The following ERP44 variants were observed in gnomAD, a reference collection of about 807,000 sequenced individuals.
ERP44 encodes endoplasmic reticulum resident protein 44.
A neutral mutation model predicts 53.4 loss-of-function variants in ERP44; 25 were observed. The ratio of observed to expected loss-of-function variants is 0.47; its 90% CI spans 0.34 to 0.65. The LOEUF (loss-of-function observed/expected upper bound fraction) is 0.65, where lower values mean the gene tolerates loss of function less well. ERP44 is among the 30% of genes least tolerant of loss of function. ERP44 has a pLI of 0.01. For synonymous variants in ERP44, 145 were observed against 161.2 expected (o/e 0.90, Z 0.76); for missense variants, 338 against 493.2 (o/e 0.69, Z 2.98).
chr9:99,996,993 GTATA>G (rs60268138), intron 10 of ERP44, among the ~76,000 whole-genome samples: 2 of 143,650 alleles, frequency 1.4e-5, no homozygotes, highest in Non-Finnish European at 1.5e-5. Flanking sequence ...ATATGTGTGT[GTATA>G]TATATATATA....
At chr9:100,049,342 G>C (rs1294510707) in intron 4 of ERP44, among the ~76,000 whole-genome samples, 1 of 152,198 alleles carries the variant, frequency 6.6e-6, no homozygotes, top group Non-Finnish European at 1.5e-5. Context: ...AGACTGCAGT[G>C]AGCCAAGATT....
chr9:100,083,290 A>G (rs1826447461), intron 1 of ERP44, among the ~76,000 whole-genome samples: 1 of 152,096 alleles, frequency 6.6e-6, no homozygotes, highest in Admixed American at 6.5e-5. Flanking sequence ...ATAAATTACA[A>G]TGCATCAATA....
At chr9:100,001,563 T>C (rs1243746640) in intron 10 of ERP44, among the ~76,000 whole-genome samples, 2 of 152,218 alleles carry the variant, frequency 1.3e-5, no homozygotes, top group African/African-American at 4.8e-5. Flanking sequence ...TCTTGCTGAA[T>C]TGATCTCTTT....
At chr9:100,007,824 G>T in intron 8 of ERP44, 135 bp from the exon 9 acceptor site, 1 of 647,730 alleles carries the variant, frequency 1.5e-6, no homozygotes. Flanking sequence ...AAAAGGCCCA[G>T]TGGTGTGAAT....
Position 99,995,401 on chromosome 9 carries a change from C to T in ERP44, c.1017-10332G>A, listed in dbSNP as rs373934159. 7.9e-5 allele frequency among the ~76,000 whole-genome samples: 12 copies of T among 152,286 alleles called. No homozygotes were observed. The East Asian group carries it at 1.9e-3, about 24-fold the overall frequency. ...GAAGTGGTGAGATTGAACATCTTTGCCTAGTTCTCTATCATACAGGAAAAG... is the reference window on the plus strand; with the variant it reads ...GAAGTGGTGAGATTGAACATCTTTGTCTAGTTCTCTATCATACAGGAAAAG... On this transcript the variant is annotated intron_variant, in intron 10 of 11. Coordinates refer to ENST00000262455, the MANE Select transcript of ERP44 (RefSeq NM_015051.3).
intron 1 of ERP44, among the ~76,000 whole-genome samples, chr9:100,064,808 T>C (rs1826191824): frequency 6.6e-6 from 1 of 152,084 alleles, no homozygotes; most frequent in Non-Finnish European, 1.5e-5. Context: ...TGTCTTGGTT[T>C]TCAACAAAAA....
At chr9:100,073,604 T>G (rs1826326838) in intron 1 of ERP44, among the ~76,000 whole-genome samples, 1 of 152,216 alleles carries the variant, frequency 6.6e-6, no homozygotes, top group Non-Finnish European at 1.5e-5. Flanking sequence ...GGAATTTGTC[T>G]TCCATTGAAG....
chr9:100,052,826 C>T (rs915964253), intron 3 of ERP44, among the ~76,000 whole-genome samples: 3 of 152,152 alleles, frequency 2.0e-5, no homozygotes, highest in Non-Finnish European at 4.4e-5. Context: ...GGTCATAAAA[C>T]AAGTCTGAAA....
intron 8 of ERP44, among the ~76,000 whole-genome samples, chr9:100,011,780 A>C (rs1830479280): frequency 6.6e-6 from 1 of 152,216 alleles, no homozygotes; most frequent in Non-Finnish European, 1.5e-5. Flanking sequence ...AAAGCAACAG[A>C]ACATTACTGA....
At chr9:99,988,774 T>C (rs1830222105) in intron 10 of ERP44, among the ~76,000 whole-genome samples, 1 of 152,212 alleles carries the variant, frequency 6.6e-6, no homozygotes, top group African/African-American at 2.4e-5. Flanking sequence ...TTACCTTTCC[T>C]AGCCAAGGGA....
intron 10 of ERP44, among the ~76,000 whole-genome samples, chr9:99,990,317 C>T (rs1004524871): frequency 3.3e-5 from 5 of 152,206 alleles, no homozygotes; most frequent in African/African-American, 7.2e-5. Flanking sequence ...GCGGATATCT[C>T]GGCAGAAACT....
At position 100,043,291 on chromosome 9, in the gene ERP44, A is replaced by AAAAAAAAAAAAAAAAG. The variant is rs1168903331; in HGVS notation, c.286+9125_286+9126insCTTTTTTTTTTTTTTT. ...AAAAAAAAAAAAAAAAAAAAAAAAA[A>AAAAAAAAAAAAAAAAG]GATAAATAAGACATAGTATTTGCTA... On this transcript the variant is annotated intron_variant, in intron 4 of 11. Coordinates refer to ENST00000262455, the MANE Select transcript of ERP44 (RefSeq NM_015051.3). Among the ~76,000 whole-genome samples, 140 of 74,906 alleles carry AAAAAAAAAAAAAAAAG rather than the reference A, an allele frequency of 1.9e-3. 36 individuals carry two copies. Among genetic ancestry groups the AAAAAAAAAAAAAAAAG allele is most frequent in the East Asian group, 4.5e-3 (8 of 1,780 alleles). 49.1% of individuals were successfully genotyped at this position (74,906 alleles called of 152,430 possible).
chr9:100,078,768 GA>G (rs969659858), intron 1 of ERP44, among the ~76,000 whole-genome samples: 2 of 145,178 alleles, frequency 1.4e-5, no homozygotes, highest in East Asian at 2.0e-4. Context: ...AACAAAAAAA[GA>G]AAAAAAAAAG....
chr9:100,068,634 ACCCGGCCAG>A (rs1231382713), intron 1 of ERP44, among the ~76,000 whole-genome samples: 3 of 114,130 alleles, frequency 2.6e-5, no homozygotes, highest in African/African-American at 1.0e-4. Context: ...TCAGCCCCCC[ACCCGGCCAG>A]CCGCCCCGTC....
intron 4 of ERP44, among the ~76,000 whole-genome samples, chr9:100,031,321 T>C (rs1343530297): frequency 6.6e-6 from 1 of 152,192 alleles, no homozygotes; most frequent in African/African-American, 2.4e-5. Context: ...GTCCATGTCA[T>C]AGTTTGCTCA....
At chr9:100,064,424 G>A (rs1372138283) in intron 1 of ERP44, among the ~76,000 whole-genome samples, 3 of 152,186 alleles carry the variant, frequency 2.0e-5, no homozygotes, top group Non-Finnish European at 2.9e-5. Context: ...ATTTTAACAT[G>A]TTTGAGGAAA....
intron 10 of ERP44, among the ~76,000 whole-genome samples, chr9:100,002,137 A>AT (rs1305855993): frequency 6.6e-6 from 1 of 151,312 alleles, no homozygotes; most frequent in Non-Finnish European, 1.5e-5. Context: ...TCACATAAAA[A>AT]AAAAAACTAC....
intron 2 of ERP44, among the ~76,000 whole-genome samples, chr9:100,059,244 C>T (rs1388312260): frequency 2.0e-5 from 3 of 152,204 alleles, no homozygotes; most frequent in African/African-American, 7.2e-5. Context: ...CATTTATGCA[C>T]ACTGTACATT....
Position 100,018,312 on chromosome 9 carries a change from C to G in ERP44, c.589G>C (p.Asp197His), listed in dbSNP as rs768583772. 36 of 1,594,292 alleles carry G rather than the reference C, an allele frequency of 2.3e-5. No homozygotes were observed. Among genetic ancestry groups the G allele is most frequent in the Non-Finnish European group, 3.0e-5 (35 of 1,162,410 alleles). Reference protein sequence around the residue: ...DDCAFLSAFGDVSKPERYSGD... With the variant: ...DDCAFLSAFGHVSKPERYSGD... ...CTATATCTTTCCGGTTTTGAAACAT[C>G]CCTATAGGAAGGGAGAAATAGTAAT... Residue 197 changes from aspartate to histidine, a missense_variant and splice_region_variant, in exon 7 of 12, where the codon GAT becomes CAT. Around this residue, in one of 3 missense-constraint regions of ERP44, gnomAD observed 224 missense variants for 301.4 expected, o/e 0.74. Coordinates refer to ENST00000262455, the MANE Select transcript of ERP44 (RefSeq NM_015051.3).
Sources: allele counts gnomAD v4.1 joint callset (sites outside exome capture counted in the v4.1 genomes callset), GRCh38; gene constraint gnomAD v4.1.1; regional missense constraint gnomAD v4.1.1; transcripts MANE v1.5; gene names NCBI Gene and HGNC (gene_info 2026-07-23, HGNC 2026-07-21).